Variants in SNX31 observed in about 807,000 individuals in gnomAD.
SNX31 encodes the protein sorting nexin 31, also known as sorting nexin-31.
Under a neutral mutation model 65.4 loss-of-function variants are expected in SNX31, and 58 were observed. The observed-to-expected ratio is 0.89, with a 90% CI of 0.72 to 1.10. SNX31 has a LOEUF of 1.10. Among genes scored for constraint, SNX31 ranks in the 50% least tolerant of loss-of-function variants. The pLI is 0.00. For missense variants in SNX31, 523 were observed against 529.7 expected, an observed-to-expected ratio of 0.99 and a Z score of 0.12; for synonymous variants, 181 against 190.1, an observed-to-expected ratio of 0.95 and a Z score of 0.39.
At chr8:100,611,294 T>C (rs1339533427) in intron 7 of SNX31, among the ~76,000 whole-genome samples, 1 of 152,178 alleles carries the variant, frequency 6.6e-6, no homozygotes, top group Non-Finnish European at 1.5e-5. Flanking sequence ...CAGCCAGTGA[T>C]GCATTGCAAA....
intron 10 of SNX31, among the ~76,000 whole-genome samples, chr8:100,593,904 G>A (rs1013896636): frequency 1.2e-4 from 18 of 152,216 alleles, no homozygotes; most frequent in African/African-American, 4.3e-4. Context: ...AGAGTTCTTG[G>A]ACTTGACGGC....
chr8:100,644,208 C>T (rs1254647222), intron 2 of SNX31, among the ~76,000 whole-genome samples: 1 of 152,132 alleles, frequency 6.6e-6, no homozygotes, highest in African/African-American at 2.4e-5. Flanking sequence ...GCTGCACAGC[C>T]CTCCCCTCCT....
chr8:100,638,119 C>A (rs1043244300), intron 2 of SNX31, among the ~76,000 whole-genome samples: 2 of 152,160 alleles, frequency 1.3e-5, no homozygotes, highest in African/African-American at 4.8e-5. Flanking sequence ...AGCCACTGCC[C>A]TCCAGCCTGG....
upstream of SNX31, among the ~76,000 whole-genome samples, chr8:100,650,583 G>C (rs562453499): frequency 2.0e-5 from 3 of 152,204 alleles, no homozygotes; most frequent in Non-Finnish European, 2.9e-5. Flanking sequence ...AAGGAGAAGC[G>C]ACGCCTGCCA....
chr8:100,596,532 C>G, intron 10 of SNX31, 107 bp downstream of exon 10: 2 of 891,772 alleles, frequency 2.2e-6, no homozygotes, highest in Non-Finnish European at 3.6e-6. Context: ...TCACTCCACT[C>G]AAGGTACAGA....
At chr8:100,598,487 A>G (rs748148222) in intron 9 of SNX31, among the ~76,000 whole-genome samples, 78 of 149,874 alleles carry the variant, frequency 5.2e-4, no homozygotes, top group Non-Finnish European at 9.0e-4. Flanking sequence ...AAGAAAGGAA[A>G]GTGTTTGTTT....
intron 8 of SNX31, among the ~76,000 whole-genome samples, chr8:100,601,409 A>C (rs1815613800): frequency 6.6e-6 from 1 of 152,246 alleles, no homozygotes; most frequent in Non-Finnish European, 1.5e-5. Flanking sequence ...TTTATAAAAC[A>C]ACAAAAAATA....
chr8:100,593,793 T>A (rs1814809034), intron 10 of SNX31, among the ~76,000 whole-genome samples: 1 of 151,944 alleles, frequency 6.6e-6, no homozygotes, highest in East Asian at 1.9e-4. Flanking sequence ...ATACAAAAAT[T>A]AACTGAAAAT....
intron 8 of SNX31, among the ~76,000 whole-genome samples, chr8:100,603,143 C>G (rs1425525809): frequency 6.6e-6 from 1 of 152,228 alleles, no homozygotes; most frequent in Non-Finnish European, 1.5e-5. Context: ...AAGGCTTTCT[C>G]TGTGTCCCCA....
chr8:100,596,200 C>T (rs751918723), intron 10 of SNX31, among the ~76,000 whole-genome samples: 7 of 152,050 alleles, frequency 4.6e-5, no homozygotes, highest in African/African-American at 7.2e-5. Flanking sequence ...ACAAAGTGGG[C>T]ACTCAATAAA....
intron 3 of SNX31, among the ~76,000 whole-genome samples, chr8:100,632,583 T>C (rs59225665): frequency 0.16 from 23,745 of 152,004 alleles, 2,112 homozygotes; most frequent in South Asian, 0.25. Flanking sequence ...ACCCTTTTTC[T>C]TGAGCTACAA....
chr8:100,577,501 A>G (rs1438758925), intron 12 of SNX31, among the ~76,000 whole-genome samples: 1 of 151,428 alleles, frequency 6.6e-6, no homozygotes. Flanking sequence ...AGGCACTTGA[A>G]TATACCTCAT....
Position 100,596,846 on chromosome 8 carries a change from C to G in SNX31, c.775-4G>C. ...CCTCCCGGGCCAGCTCCAAAAACTG[C>G]TCCAAAGAGGGTGATGTGGGGGGAG... is the stretch of plus-strand genomic sequence containing the variant. On this transcript the variant is annotated splice_polypyrimidine_tract_variant and splice_region_variant and intron_variant, in intron 9 of 13. Transcript: ENST00000311812. 5 of 1,613,264 alleles carry G rather than the reference C, an allele frequency of 3.1e-6. No individual in the cohort carries two copies. The highest frequency in any genetic ancestry group is 4.2e-6 in the Non-Finnish European group (5 of 1,179,958).
intron 3 of SNX31, among the ~76,000 whole-genome samples, chr8:100,631,962 A>G (rs1225517967): frequency 2.0e-5 from 3 of 152,210 alleles, no homozygotes; most frequent in Non-Finnish European, 4.4e-5. Context: ...AAAACTTTGT[A>G]TATTTTAGCT....
intron 2 of SNX31, among the ~76,000 whole-genome samples, chr8:100,646,411 T>C (rs1047855242): frequency 6.6e-6 from 1 of 152,136 alleles, no homozygotes; most frequent in Non-Finnish European, 1.5e-5. Flanking sequence ...GAAAGAACAG[T>C]TGGTAAACAT....
rs1340605136 is a variant in SNX31 at position 100,626,140 on chromosome 8, C to T, written c.321+4187G>A. ...ACTCAGGAGGCTGAGACAGGAGAAT[C>T]GCTTGAACCCAGGAGGTGAAGGTAG... On this transcript the variant is annotated intron_variant, in intron 4 of 13. Coordinates refer to ENST00000311812, the MANE Select transcript of SNX31 (RefSeq NM_152628.4). This position sits in a 1 kb window ranked among gnomAD's most constrained non-coding sequence, Gnocchi z 4.4. 6.6e-6 allele frequency among the ~76,000 whole-genome samples: 1 copy of T among 152,096 alleles called. No individual in the cohort carries two copies. The highest frequency in any genetic ancestry group is 2.4e-5 in the African/African-American group (1 of 41,418).
intron 9 of SNX31, among the ~76,000 whole-genome samples, chr8:100,598,704 C>A (rs1815335968): frequency 6.7e-6 from 1 of 149,788 alleles, no homozygotes; most frequent in South Asian, 2.1e-4. Context: ...TACACAGCTG[C>A]AGAAAGTATG....
intron 2 of SNX31, among the ~76,000 whole-genome samples, chr8:100,640,660 C>A (rs75355849): frequency 0.066 from 9,998 of 152,186 alleles, 452 homozygotes; most frequent in Non-Finnish European, 0.094. Context: ...GTGATTAGTG[C>A]GGCACTTTAT....
intron 3 of SNX31, among the ~76,000 whole-genome samples, chr8:100,634,272 T>C (rs1818598515): frequency 6.6e-6 from 1 of 152,212 alleles, no homozygotes; most frequent in South Asian, 2.1e-4. Context: ...TGCCTTAGCA[T>C]GGCTTCCTGG....
Sources: allele counts gnomAD v4.1 joint callset (sites outside exome capture counted in the v4.1 genomes callset), GRCh38; gene constraint gnomAD v4.1.1; non-coding constraint Gnocchi (gnomAD v3.1); transcripts MANE v1.5; gene names NCBI Gene and HGNC (gene_info 2026-07-23, HGNC 2026-07-21).